The following NUDC variants were observed in gnomAD, a reference collection of about 807,000 sequenced individuals.
The protein encoded by NUDC is nuclear migration protein nudC.
NUDC carries 14 observed loss-of-function variants against 45.0 expected under a neutral mutation model. The ratio of observed to expected loss-of-function variants is 0.31; its 90% CI spans 0.21 to 0.49. The LOEUF (loss-of-function observed/expected upper bound fraction) is 0.49. Ranked by LOEUF, NUDC falls within the 20% of genes least tolerant of loss-of-function variation. The pLI, the probability that NUDC is intolerant of heterozygous loss-of-function variation, is 0.99. For synonymous variants in NUDC, 153 were observed against 156.7 expected (o/e 0.98, Z 0.17); for missense variants, 323 against 426.2 (o/e 0.76, Z 2.13).
intron 3 of NUDC, chr1:26,913,750 G>A: frequency 6.3e-7 from 1 of 1,590,356 alleles, no homozygotes; most frequent in Non-Finnish European, 8.6e-7. Flanking sequence ...CACTGTCTTG[G>A]CCAGAACATC....
At chr1:26,925,145 C>G (rs867821715) in intron 2 of NUDC, among the ~76,000 whole-genome samples, 1 of 151,506 alleles carries the variant, frequency 6.6e-6, no homozygotes, top group Non-Finnish European at 1.5e-5. Flanking sequence ...CCTCCTAAAG[C>G]GCTGGGAGTA....
upstream of NUDC, chr1:26,921,686 G>A: frequency 1.4e-6 from 1 of 707,022 alleles, no homozygotes; most frequent in South Asian, 1.7e-5. Context: ...AAGGCGGGAA[G>A]AGAGGAGGTG....
chr1:26,925,922 A>C (rs2082128370), intron 2 of NUDC, among the ~76,000 whole-genome samples: 1 of 151,706 alleles, frequency 6.6e-6, no homozygotes, highest in Non-Finnish European at 1.5e-5. Flanking sequence ...GGGTTTCACC[A>C]TGTTGGCCAG....
intron 1 of NUDC, among the ~76,000 whole-genome samples, chr1:26,902,097 A>G (rs1467915309): frequency 2.6e-5 from 4 of 152,198 alleles, no homozygotes. Flanking sequence ...AACACAGCAT[A>G]TTGCAAAAAA....
Position 26,945,424 on chromosome 1 carries a change from C to T in NUDC, c.776C>T (p.Ser259Phe), listed in dbSNP as rs771952508. 1.1e-5 allele frequency: 18 copies of T among 1,613,890 alleles called. No individual in the cohort carries two copies. Among genetic ancestry groups the T allele is most frequent in the South Asian group, 6.6e-5 (6 of 91,060 alleles). Residue 259 changes from serine (S) to phenylalanine (F), a missense_variant, in exon 7 of 9, where the codon TCC becomes TTC. By Grantham distance (155) the Ser-to-Phe change is radical (BLOSUM62 -2). This residue lies in a region of NUDC where 54 missense variants were observed against 100.2 expected (regional missense o/e 0.54). Transcript: ENST00000321265. ...NKMEWWSRLV[S>F]SDPEINTKKI... ...ATGGAGTGGTGGAGCCGCTTGGTGT[C>T]CAGTGACCCTGAGATCAACACCAAG... is the stretch of plus-strand genomic sequence containing the variant.
At chr1:26,910,996 T>C (rs531027423) in intron 2 of NUDC, 99 of 394,806 alleles carry the variant, frequency 2.5e-4, no homozygotes, top group Non-Finnish European at 3.8e-4. Flanking sequence ...AAACAACTGA[T>C]GTAGTCAAAT....
At chr1:26,924,011 C>A in intron 1 of NUDC, 78 bp from the exon 2 acceptor site, 1 of 1,331,720 alleles carries the variant, frequency 7.5e-7, no homozygotes, top group Non-Finnish European at 1.1e-6. Flanking sequence ...CCCTCCTAGA[C>A]AAAACAAGTT....
intron 2 of NUDC, among the ~76,000 whole-genome samples, chr1:26,925,157 A>C (rs1227523558): frequency 6.6e-6 from 1 of 151,728 alleles, no homozygotes; most frequent in Non-Finnish European, 1.5e-5. Flanking sequence ...CTGGGAGTAC[A>C]GGTGTGAGCC....
chr1:26,930,934 T>G (rs1222723878), intron 2 of NUDC, among the ~76,000 whole-genome samples: 1 of 151,684 alleles, frequency 6.6e-6, no homozygotes, highest in Non-Finnish European at 1.5e-5. Context: ...GAGAATTGCT[T>G]GAACCTGGGA....
At chr1:26,927,264 CGTGTGTGTGTGTGTGTGTGT>C (rs60238934) in intron 2 of NUDC, among the ~76,000 whole-genome samples, 11 of 91,830 alleles carry the variant, frequency 1.2e-4, no homozygotes, top group Middle Eastern at 5.2e-3. Context: ...AGAGATGAAC[CGTGTGTGTGTGTGTGTGTGT>C]GTGTGTGTGT....
In NUDC at chr1:26,943,046, T is replaced by C. The variant is rs774362052; in HGVS notation, c.722T>C (p.Val241Ala). ...TGGCTCATTGAGGACGGCAAGGTGGTGACTGTGCATCTGGAGAAGGTATGT... is the reference window on the plus strand; with the variant it reads ...TGGCTCATTGAGGACGGCAAGGTGGCGACTGTGCATCTGGAGAAGGTATGT... Reference protein sequence around the residue: ...SSWLIEDGKVVTVHLEKINKM... With the variant: ...SSWLIEDGKVATVHLEKINKM... The change falls in exon 6 of 9, where the codon GTG becomes GCG. Residue 241 changes from valine to alanine, a missense_variant. Physicochemically the swap from Val to Ala is moderately conservative, Grantham distance 64. Coordinates refer to ENST00000321265, the MANE Select transcript of NUDC (RefSeq NM_006600.4). 3.7e-6 allele frequency: 6 copies of C among 1,614,072 alleles called. No individual in the cohort carries two copies. In the South Asian group the frequency reaches 6.6e-5, roughly 18 times the overall value.
chr1:26,906,422 C>T (rs1408520892), intron 2 of NUDC, among the ~76,000 whole-genome samples: 1 of 152,118 alleles, frequency 6.6e-6, no homozygotes, highest in Non-Finnish European at 1.5e-5. Context: ...AGCACTCCAC[C>T]CTGGGCAACA....
chr1:26,908,268 A>G (rs535864878), intron 2 of NUDC, among the ~76,000 whole-genome samples: 4 of 152,020 alleles, frequency 2.6e-5, no homozygotes, highest in Admixed American at 6.5e-5. Context: ...CTCTTCCCTC[A>G]CTGGCAATGA....
At chr1:26,910,861 A>C (rs2082022424) in intron 2 of NUDC, among the ~76,000 whole-genome samples, 1 of 152,230 alleles carries the variant, frequency 6.6e-6, no homozygotes, top group African/African-American at 2.4e-5. Flanking sequence ...TTTAGTTGCT[A>C]GACAGTGGGA....
upstream of NUDC, among the ~76,000 whole-genome samples, chr1:26,917,052 G>T (rs1402709731): frequency 6.6e-6 from 1 of 152,166 alleles, no homozygotes; most frequent in Non-Finnish European, 1.5e-5. Context: ...GAGGTCAGGA[G>T]TTCGAGACCA....
intron 2 of NUDC, among the ~76,000 whole-genome samples, chr1:26,902,721 G>A (rs768453269): frequency 6.6e-6 from 1 of 151,732 alleles, no homozygotes; most frequent in Non-Finnish European, 1.5e-5. Flanking sequence ...TGCATTCGGT[G>A]GGCAGCAGAA....
chr1:26,912,993 T>C (rs2124070232), intron 3 of NUDC, among the ~76,000 whole-genome samples: 1 of 152,222 alleles, frequency 6.6e-6, no homozygotes, highest in African/African-American at 2.4e-5. Context: ...TTGATGAAAA[T>C]GAGGACTGGC....
At chr1:26,916,709 G>A (rs761292892) in intron 3 of NUDC, among the ~76,000 whole-genome samples, 7 of 152,050 alleles carry the variant, frequency 4.6e-5, no homozygotes, top group Non-Finnish European at 8.8e-5. Context: ...CTGTAATCTG[G>A]ACTTTGGGGG....
rs116253480 is a variant in NUDC, at chr1:26,932,496, T to G, written c.159+8330T>G. On this transcript the variant is annotated intron_variant, in intron 2 of 8. Transcript: ENST00000321265. ...GCCCGGCCCCCAGCTAATTTTTCTG[T>G]TTTTTTTGTAGAGATGAGGTTTTAC... 2.2e-3 allele frequency among the ~76,000 whole-genome samples: 339 copies of G among 151,560 alleles called. 3 individuals carry two copies. The highest frequency in any genetic ancestry group is 7.9e-3 in the African/African-American group (326 of 41,262).
Sources: allele counts gnomAD v4.1 joint callset (sites outside exome capture counted in the v4.1 genomes callset), GRCh38; gene constraint gnomAD v4.1.1; regional missense constraint gnomAD v4.1.1; transcripts MANE v1.5; gene names NCBI Gene and HGNC (gene_info 2026-07-23, HGNC 2026-07-21).